The following RERG variants were observed in gnomAD, a reference collection of about 807,000 sequenced individuals.
RERG encodes the protein RAS like estrogen regulated growth inhibitor, also known as ras-related and estrogen-regulated growth inhibitor.
A neutral mutation model predicts 23.2 loss-of-function variants in RERG; 25 were observed. The ratio of observed to expected loss-of-function variants is 1.08; its 90% CI spans 0.79 to 1.50. The LOEUF (loss-of-function observed/expected upper bound fraction) is 1.50. Ranked by LOEUF, RERG falls within the 40% of genes most tolerant of loss-of-function variation. RERG has a pLI of 0.00. For synonymous variants in RERG, 81 were observed against 89.1 expected (o/e 0.91, Z 0.51); for missense variants, 253 against 250.1 (o/e 1.01, Z -0.08).
At chr12:15,174,136 G>C (rs1271129397) in intron 2 of RERG, among the ~76,000 whole-genome samples, 1 of 151,912 alleles carries the variant, frequency 6.6e-6, no homozygotes, top group East Asian at 1.9e-4. Flanking sequence ...GTTTCTGTTT[G>C]TCTGGTAGTG....
At chr12:15,181,122 T>C (rs1035781895) in intron 2 of RERG, among the ~76,000 whole-genome samples, 1 of 152,100 alleles carries the variant, frequency 6.6e-6, no homozygotes, top group African/African-American at 2.4e-5. Flanking sequence ...GCTGAGACTC[T>C]AGTAAGCACA....
intron 4 of RERG, among the ~76,000 whole-genome samples, chr12:15,110,483 T>TTTTTTTC (rs1863591001): frequency 1.5e-5 from 2 of 130,864 alleles, no homozygotes; most frequent in Non-Finnish European, 3.2e-5. Context: ...TTTTTTTTTT[T>TTTTTTTC]TTTTTTTTTT....
chr12:15,168,248 G>A (rs1320482714), intron 2 of RERG, among the ~76,000 whole-genome samples: 3 of 152,182 alleles, frequency 2.0e-5, no homozygotes, highest in African/African-American at 7.2e-5. Flanking sequence ...AATAAGAGGT[G>A]AAATATAAGC....
chr12:15,177,419 C>T lies in RERG; in HGVS notation c.61+40010G>A, dbSNP rs564347240. Among the ~76,000 whole-genome samples, 336 of 152,114 alleles carry T rather than the reference C, an allele frequency of 2.2e-3. 2 individuals carry two copies. Among genetic ancestry groups the T allele is most frequent in the African/African-American group, 6.8e-3 (284 of 41,488 alleles). On this transcript the variant is annotated intron_variant, in intron 2 of 4. Transcript: ENST00000256953. ...AGTGAGCCAAGATCACACCATTGCA[C>T]GCCAGCCTGGGTGAAAGAATGAGAC...
At chr12:15,209,532 C>T (rs929913687) in intron 2 of RERG, among the ~76,000 whole-genome samples, 12 of 151,316 alleles carry the variant, frequency 7.9e-5, no homozygotes, top group Non-Finnish European at 1.3e-4. Context: ...ACACTTGATC[C>T]GAGGCTATAA....
intron 2 of RERG, among the ~76,000 whole-genome samples, chr12:15,207,920 A>C (rs190887787): frequency 4.6e-5 from 7 of 152,280 alleles, no homozygotes; most frequent in Admixed American, 1.3e-4. Flanking sequence ...AACAAACAGG[A>C]AGAACTGTTG....
At chr12:15,174,261 GA>G (rs1158302535) in intron 2 of RERG, among the ~76,000 whole-genome samples, 1 of 151,410 alleles carries the variant, frequency 6.6e-6, no homozygotes, top group Admixed American at 6.6e-5. Flanking sequence ...GTAATTTGAG[GA>G]AAAAAAATAG....
Position 15,109,444 on chromosome 12 carries a change from C to A in RERG, c.266G>T (p.Arg89Leu), listed in dbSNP as rs748266862. ...TGGCAGCACTTCCTCAAAACTTCCTCGGTCAGTAATGTCGTAGACCAGCAC... is the reference window on the plus strand; with the variant it reads ...TGGCAGCACTTCCTCAAAACTTCCTAGGTCAGTAATGTCGTAGACCAGCAC... ...GFVLVYDITD[R>L]GSFEEVLPLK... Residue 89 changes from arginine (R) to leucine (L), a missense_variant, in exon 5 of 5, where the codon CGA (arginine) becomes CTA (leucine). Transcript: ENST00000256953. The A allele has an allele frequency of 1.9e-6, 3 of 1,613,950 alleles. No homozygotes were observed. The highest frequency in any genetic ancestry group is 2.5e-6 in the Non-Finnish European group (3 of 1,179,950).
At chr12:15,211,716 G>C (rs1299374750) in intron 2 of RERG, among the ~76,000 whole-genome samples, 1 of 152,168 alleles carries the variant, frequency 6.6e-6, no homozygotes, top group African/African-American at 2.4e-5. Context: ...CACTTGAGGG[G>C]ATGGACATGC....
intron 2 of RERG, 90 bp from the exon 3 acceptor site, chr12:15,121,209 A>G: frequency 1.1e-6 from 1 of 876,912 alleles, no homozygotes; most frequent in Non-Finnish European, 1.8e-6. Context: ...TGCTCCACAC[A>G]ACCCTATAAA....
chr12:15,191,085 G>A (rs1865064322), intron 2 of RERG, among the ~76,000 whole-genome samples: 2 of 152,054 alleles, frequency 1.3e-5, no homozygotes, highest in Non-Finnish European at 2.9e-5. Context: ...TTTCCTATAG[G>A]TTAGAAGACA....
intron 2 of RERG, among the ~76,000 whole-genome samples, chr12:15,126,727 T>TC (rs1863951484): frequency 6.9e-6 from 1 of 145,292 alleles, no homozygotes; most frequent in African/African-American, 2.5e-5. Flanking sequence ...TTTCTTTCTT[T>TC]TTTTTTTTTT....
At chr12:15,173,653 TTCAG>T (rs1386108512) in intron 2 of RERG, among the ~76,000 whole-genome samples, 2 of 152,128 alleles carry the variant, frequency 1.3e-5, no homozygotes, top group East Asian at 3.9e-4. Flanking sequence ...TAAAATTTCT[TTCAG>T]TAATATTTTA....
Position 15,221,367 on chromosome 12 carries a change from G to C in RERG, c.-287C>G, listed in dbSNP as rs1016729777. ...CCGCAGAAGCAAGTGCCAGTGGCCCGGCGGGGGTCTCCTCACTCGCGCTCG... is the reference window on the plus strand; with the variant it reads ...CCGCAGAAGCAAGTGCCAGTGGCCCCGCGGGGGTCTCCTCACTCGCGCTCG... On this transcript the variant is annotated 5_prime_UTR_variant, in exon 1 of 5. Transcript: ENST00000256953. 1 of 152,288 alleles carries C rather than the reference G, an allele frequency of 6.6e-6. No homozygotes were observed. Among genetic ancestry groups the C allele is most frequent in the Non-Finnish European group, 1.5e-5 (1 of 68,102 alleles). The allele number at this position is 152,288 out of a possible 1,614,324, so 9.4% of individuals were successfully genotyped here.
chr12:15,156,002 ATAT>A (rs1864517217), intron 2 of RERG, among the ~76,000 whole-genome samples: 1 of 76,790 alleles, frequency 1.3e-5, no homozygotes, highest in Non-Finnish European at 3.7e-5. Context: ...TAATAAAAAA[ATAT>A]ATATATATAT....
At chr12:15,113,362 T>C (rs1863659527) in intron 3 of RERG, among the ~76,000 whole-genome samples, 1 of 151,816 alleles carries the variant, frequency 6.6e-6, no homozygotes, top group Non-Finnish European at 1.5e-5. Flanking sequence ...TGAAAAGATA[T>C]AAAAAGAGGG....
intron 2 of RERG, among the ~76,000 whole-genome samples, chr12:15,211,284 T>TACACACACACACACACAC (rs56263472): frequency 3.5e-5 from 5 of 142,778 alleles, no homozygotes; most frequent in African/African-American, 1.1e-4. Context: ...TGTCATTTTA[T>TACACACACACACACACAC]ACACACACAC....
chr12:15,170,924 A>T (rs1464799977), intron 2 of RERG, among the ~76,000 whole-genome samples: 1 of 152,212 alleles, frequency 6.6e-6, no homozygotes, highest in Non-Finnish European at 1.5e-5. Context: ...TGCATAAATA[A>T]AACTCTGCAG....
At chr12:15,147,578 G>A (rs1404115910) in intron 2 of RERG, among the ~76,000 whole-genome samples, 1 of 152,186 alleles carries the variant, frequency 6.6e-6, no homozygotes, top group Non-Finnish European at 1.5e-5. Flanking sequence ...CTGAAATTAT[G>A]CCCACTAATC....
Sources: gnomAD v4.1 joint callset for allele counts (sites outside exome capture counted in the v4.1 genomes callset) on GRCh38, gnomAD v4.1.1 for gene constraint, MANE v1.5 for transcripts, NCBI Gene and HGNC (gene_info 2026-07-23, HGNC 2026-07-21) for gene names.